CD33: variants seen among roughly 807,000 people sequenced by gnomAD.
CD33 encodes the protein CD33 molecule, also known as myeloid cell surface antigen CD33.
CD33 carries 25 observed loss-of-function variants against 31.4 expected under a neutral mutation model. The ratio of observed to expected loss-of-function variants is 0.80; its 90% CI spans 0.58 to 1.11. The LOEUF (loss-of-function observed/expected upper bound fraction) is 1.11. Among genes scored for constraint, CD33 ranks in the 50% most tolerant of loss-of-function variants. The probability of loss-of-function intolerance (pLI) is 0.00; values close to 1 mark genes in which losing one functional copy is unlikely to be tolerated. For synonymous variants in CD33, 176 were observed against 180.6 expected, an observed-to-expected ratio of 0.97 and a Z score of 0.20; for missense variants, 407 against 448.1, an observed-to-expected ratio of 0.91 and a Z score of 0.83.
chr19:51,235,421 G>A, intron 5 of CD33, 168 bp downstream of exon 5: 1 of 1,309,438 alleles, frequency 7.6e-7, no homozygotes. Flanking sequence ...CCAGGGCCCT[G>A]ATCTCAGATG....
At chr19:51,234,779 T>A (rs1471549960) in intron 4 of CD33, among the ~76,000 whole-genome samples, 1 of 152,118 alleles carries the variant, frequency 6.6e-6, no homozygotes, top group Non-Finnish European at 1.5e-5. Context: ...ATGGGGCCAG[T>A]GGGAAGAAAG....
intron 4 of CD33, among the ~76,000 whole-genome samples, chr19:51,228,880 G>T (rs542204461): frequency 4.6e-5 from 7 of 152,240 alleles, no homozygotes; most frequent in African/African-American, 1.7e-4. Context: ...TTTCCAGTTT[G>T]GATGGTTTTT....
chr19:51,235,929 CG>C, intron 6 of CD33: 2 of 699,420 alleles, frequency 2.9e-6, no homozygotes, highest in Non-Finnish European at 2.6e-6. Flanking sequence ...GAGGCCAAGG[CG>C]GGCGGATCAC....
At chr19:51,231,040 C>T (rs1248838047) in intron 4 of CD33, among the ~76,000 whole-genome samples, 1 of 152,194 alleles carries the variant, frequency 6.6e-6, no homozygotes, top group Non-Finnish European at 1.5e-5. Context: ...GACTTGCTGG[C>T]CCCTTGCTCC....
chr19:51,232,203 TA>T (rs1349167651), intron 4 of CD33, among the ~76,000 whole-genome samples: 1 of 152,282 alleles, frequency 6.6e-6, no homozygotes, highest in Non-Finnish European at 1.5e-5. Flanking sequence ...TTAAGTTTTT[TA>T]TCTTTCAGTA....
intron 4 of CD33, among the ~76,000 whole-genome samples, chr19:51,233,522 G>A (rs373420322): frequency 6.6e-6 from 1 of 152,232 alleles, no homozygotes; most frequent in Non-Finnish European, 1.5e-5. Context: ...GCCCCCAGAG[G>A]AGGGTGCACT....
At chr19:51,236,082 C>A in intron 6 of CD33, 2 of 490,890 alleles carry the variant, frequency 4.1e-6, no homozygotes, top group Admixed American at 6.5e-5. Flanking sequence ...GGTATGAACC[C>A]GGGAGGCAGA....
upstream of CD33, among the ~76,000 whole-genome samples, chr19:51,223,824 T>C (rs1980806365): frequency 6.6e-6 from 1 of 152,242 alleles, no homozygotes; most frequent in African/African-American, 2.4e-5. Flanking sequence ...TATAGTCATA[T>C]TTCTTTTAAA....
the CD33 span, among the ~76,000 whole-genome samples, chr19:51,216,584 T>C: frequency 6.6e-6 from 1 of 151,716 alleles, no homozygotes; most frequent in Non-Finnish European, 1.5e-5. Flanking sequence ...GGCATGTGCC[T>C]GTAGTCCCAG....
rs1435634416 is a variant in CD33 at position 51,225,299 on chromosome 19, C to T, written c.119C>T (p.Pro40Leu). Reference sequence around the variant, plus strand: ...CAGGAGGGTTTGTGCGTCCTCGTGCCCTGCACTTTCTTCCATCCCATACCC... The same window carrying T: ...CAGGAGGGTTTGTGCGTCCTCGTGCTCTGCACTTTCTTCCATCCCATACCC... ...TVQEGLCVLV[P>L]CTFFHPIPYY... Residue 40 changes from proline to leucine, a missense_variant, in exon 2 of 7, where the codon CCC (proline) becomes CTC (leucine). By Grantham distance (98) the Pro-to-Leu change is moderately conservative. Coordinates refer to ENST00000262262, the MANE Select transcript of CD33 (RefSeq NM_001772.4). 19 of 1,614,154 alleles carry T rather than the reference C, an allele frequency of 1.2e-5. No homozygotes were observed. The highest frequency in any genetic ancestry group is 1.6e-5 in the Non-Finnish European group (19 of 1,180,018).
chr19:51,232,553 A>G (rs1256637534), intron 4 of CD33, among the ~76,000 whole-genome samples: 1 of 152,106 alleles, frequency 6.6e-6, no homozygotes, highest in African/African-American at 2.4e-5. Flanking sequence ...TATTTGCTTG[A>G]TTGTGTCCCA....
At chr19:51,219,178 T>C in the CD33 span, among the ~76,000 whole-genome samples, 1 of 152,216 alleles carries the variant, frequency 6.6e-6, no homozygotes, top group African/African-American at 2.4e-5. Context: ...ATTTTTCCAT[T>C]CATCTGTGTC....
chr19:51,216,628 A>C, the CD33 span, among the ~76,000 whole-genome samples: 1 of 151,830 alleles, frequency 6.6e-6, no homozygotes, highest in Admixed American at 6.6e-5. Flanking sequence ...GAATTGCTTG[A>C]ACCTGGGAGG....
the CD33 span, among the ~76,000 whole-genome samples, chr19:51,214,178 T>A: frequency 6.8e-6 from 1 of 146,036 alleles, no homozygotes; most frequent in African/African-American, 2.6e-5. Flanking sequence ...CTTTTCCTTT[T>A]TTTTTTTTTG....
At chr19:51,234,579 G>A (rs953285865) in intron 4 of CD33, among the ~76,000 whole-genome samples, 1 of 152,110 alleles carries the variant, frequency 6.6e-6, no homozygotes, top group African/African-American at 2.4e-5. Context: ...TCCCTCAGTA[G>A]TGGTTATCAA....
At chr19:51,233,722 G>A (rs1434191815) in intron 4 of CD33, among the ~76,000 whole-genome samples, 1 of 152,246 alleles carries the variant, frequency 6.6e-6, no homozygotes, top group Non-Finnish European at 1.5e-5. Flanking sequence ...GGTATCTGCA[G>A]TGGCACTGGA....
intron 6 of CD33, chr19:51,236,110 A>T (rs1382402892): frequency 6.6e-6 from 3 of 453,978 alleles, no homozygotes; most frequent in East Asian, 4.5e-5. Context: ...GTGAGCCGAC[A>T]TAGCACCACT....
the CD33 span, among the ~76,000 whole-genome samples, chr19:51,216,010 G>T: frequency 2.0e-4 from 30 of 152,110 alleles, no homozygotes; most frequent in Admixed American, 5.9e-4. Flanking sequence ...CCACCGTCTG[G>T]ACTGAAGGCC....
At chr19:51,211,855 T>G in the CD33 span, 1 of 1,257,258 alleles carries the variant, frequency 8.0e-7, no homozygotes, top group Non-Finnish European at 1.2e-6. Context: ...CCCAGGAACC[T>G]GACCTGCTCT....
Sources: gnomAD v4.1 joint callset for allele counts (sites outside exome capture counted in the v4.1 genomes callset) on GRCh38, gnomAD v4.1.1 for gene constraint, MANE v1.5 for transcripts, NCBI Gene and HGNC (gene_info 2026-07-23, HGNC 2026-07-21) for gene names.